The following ANKMY2 variants were observed in gnomAD, a reference collection of about 807,000 sequenced individuals.
ANKMY2 encodes the protein ankyrin repeat and MYND domain containing 2, also known as ankyrin repeat and MYND domain-containing protein 2.
ANKMY2 carries 36 observed loss-of-function variants against 50.4 expected under a neutral mutation model. That is an observed-to-expected ratio of 0.71 (90% confidence interval 0.55 to 0.94). The LOEUF (loss-of-function observed/expected upper bound fraction) is 0.94, where lower values mean the gene tolerates loss of function less well. Ranked by LOEUF, ANKMY2 falls within the 40% of genes least tolerant of loss-of-function variation. The pLI is 0.00. For missense variants in ANKMY2, 565 were observed against 524.0 expected (o/e 1.08, Z -0.76); for synonymous variants, 187 against 178.8 (o/e 1.05, Z -0.36).
chr7:16,604,404 G>A (rs1781119673), intron 8 of ANKMY2, among the ~76,000 whole-genome samples: 1 of 152,124 alleles, frequency 6.6e-6, no homozygotes, highest in Non-Finnish European at 1.5e-5. Context: ...ATCTGCACCA[G>A]CCTTGGTCTC....
chr7:16,636,839 T>C (rs1781668667), intron 1 of ANKMY2, among the ~76,000 whole-genome samples: 1 of 152,234 alleles, frequency 6.6e-6, no homozygotes, highest in Admixed American at 6.5e-5. Context: ...ATACTTGGAA[T>C]TCAAAATGCA....
In ANKMY2 at chr7:16,610,513, G is replaced by A. The variant is rs146202734; in HGVS notation, c.746+36C>T. 412 of 1,506,666 alleles carry A rather than the reference G, an allele frequency of 2.7e-4. No individual in the cohort carries two copies. In the African/African-American group the frequency reaches 4.8e-3, roughly 18 times the overall value. 93.3% of individuals were successfully genotyped at this position (1,506,666 alleles called of 1,614,324 possible). The stretch of plus-strand genomic sequence containing the variant: ...TTCATATTAAAAAAAATATTCACTT[G>A]AGTGTATTTTATAAACGACATAGTA... On this transcript the variant is annotated intron_variant, in intron 6 of 9. Transcript: ENST00000306999.
chr7:16,606,363 A>C (rs994536551), intron 7 of ANKMY2, among the ~76,000 whole-genome samples: 1 of 151,950 alleles, frequency 6.6e-6, no homozygotes, highest in African/African-American at 2.4e-5. Flanking sequence ...CGGGAGGCAG[A>C]GGTTGCAGTA....
Position 16,625,172 on chromosome 7 carries a change from A to C in ANKMY2, c.272-91T>G, listed in dbSNP as rs189030624. 799 of 923,930 alleles carry C rather than the reference A, an allele frequency of 8.6e-4. 1 individual carries two copies. Among genetic ancestry groups the C allele is most frequent in the Non-Finnish European group, 1.3e-3 (757 of 602,916 alleles). 57.2% of individuals were successfully genotyped at this position (923,930 alleles called of 1,614,324 possible). A position where few individuals can be genotyped will look rare whatever the true frequency, so the allele number is the denominator to read the frequency against. On this transcript the variant is annotated intron_variant, in intron 3 of 9. Transcript: ENST00000306999. ...AACTCTCTATACCCTTTATTCCCCC[A>C]GTTAGTTTTAGGTTTCTGTCATGTG...
chr7:16,605,504 C>T (rs1401243924), intron 7 of ANKMY2, among the ~76,000 whole-genome samples: 1 of 151,624 alleles, frequency 6.6e-6, no homozygotes, highest in Non-Finnish European at 1.5e-5. Context: ...TAATTTTTAT[C>T]TATTTTTATT....
Position 16,609,762 on chromosome 7 carries a change from C to A in ANKMY2, c.750G>T (p.Leu250Phe), listed in dbSNP as rs761668688. Residue 250 changes from leucine to phenylalanine, a missense_variant, in exon 7 of 10, where the codon TTG becomes TTT. Coordinates refer to ENST00000306999, the MANE Select transcript of ANKMY2 (RefSeq NM_020319.3). The stretch of plus-strand genomic sequence containing the variant: ...AGCCATCAGAAGCTCGGCCTTTTAA[C>A]AAGCTGAAAGATATTTTTTAAAGCG... ...ENKLDTLIKS[L>F]LKGRASDGFP... 1 of 1,608,002 alleles carries A rather than the reference C, an allele frequency of 6.2e-7. No homozygotes were observed.
intron 1 of ANKMY2, among the ~76,000 whole-genome samples, chr7:16,639,246 T>C (rs1256004587): frequency 6.6e-6 from 1 of 152,232 alleles, no homozygotes; most frequent in African/African-American, 2.4e-5. Flanking sequence ...TAGACTTAAA[T>C]AATATTTTAC....
At chr7:16,604,072 C>A (rs1213839426) in intron 8 of ANKMY2, among the ~76,000 whole-genome samples, 7 of 152,280 alleles carry the variant, frequency 4.6e-5, no homozygotes, top group African/African-American at 1.4e-4. Flanking sequence ...TAGGTCACAG[C>A]AGATTATAAT....
intron 1 of ANKMY2, among the ~76,000 whole-genome samples, chr7:16,642,395 T>C (rs545923668): frequency 6.6e-6 from 1 of 152,366 alleles, no homozygotes; most frequent in Non-Finnish European, 1.5e-5. Flanking sequence ...TCATTAACTA[T>C]GATTTAAATG....
chr7:16,636,414 C>G lies in ANKMY2; in HGVS notation c.109G>C (p.Val37Leu). 1 of 1,516,474 alleles carries G rather than the reference C, an allele frequency of 6.6e-7. No individual in the cohort carries two copies. Among genetic ancestry groups the G allele is most frequent in the Non-Finnish European group, 8.9e-7 (1 of 1,125,862 alleles). 93.9% of individuals were successfully genotyped at this position (1,516,474 alleles called of 1,614,324 possible). A position where few individuals can be genotyped will look rare whatever the true frequency, so the allele number is the denominator to read the frequency against. ...EAGTLLSSKN[V>L]RVNCLDENGM... ...ACCTCGTCCAAACAGTTGACACGAA[C>G]ATTCTTGCTGGATAATAATGTTCCA... The change falls in exon 2 of 10, where the codon GTT becomes CTT. Residue 37 changes from valine to leucine, a missense_variant. Coordinates refer to ENST00000306999, the MANE Select transcript of ANKMY2 (RefSeq NM_020319.3).
chr7:16,603,721 G>A (rs1781110895), intron 8 of ANKMY2: 1 of 470,968 alleles, frequency 2.1e-6, no homozygotes, highest in Admixed American at 2.3e-5. Context: ...CCAACAGCAT[G>A]AAACAACATG....
intron 7 of ANKMY2, among the ~76,000 whole-genome samples, chr7:16,609,005 T>C (rs924794997): frequency 6.6e-6 from 1 of 152,062 alleles, no homozygotes; most frequent in African/African-American, 2.4e-5. Context: ...TGTCGCAAAA[T>C]AGAAAAGGCC....
chr7:16,625,319 T>A (rs780772791), intron 3 of ANKMY2, among the ~76,000 whole-genome samples: 1 of 152,244 alleles, frequency 6.6e-6, no homozygotes, highest in Non-Finnish European at 1.5e-5. Context: ...CAGTATGGAA[T>A]TGAATACTGC....
rs1428918109 is a variant in ANKMY2, at chr7:16,600,899, T to C, written c.1188A>G (p.Pro396=). 2 of 1,611,546 alleles carry C rather than the reference T, an allele frequency of 1.2e-6. No homozygotes were observed. Among genetic ancestry groups the C allele is most frequent in the East Asian group, 2.2e-5 (1 of 44,808 alleles). The change falls in exon 10 of 10, where the codon CCA becomes CCG. Residue 396 remains proline, a synonymous_variant. Transcript: ENST00000306999. ...TTTGAGAGATACCTACTTCAGCCTC[T>C]GGTTGCTCTTCATTAACACAGTTAG... ...VNSNCVNEEQ[P]EAEVGISQKD...
rs1222477469 is a variant in ANKMY2, at chr7:16,610,632, C to T, written c.663G>A (p.Lys221=). ...GAAAGATACAGCTTATGTAATGCAT[C>T]TTCATAGCCAATACTTCATTCATGT... ...QRDMNEVLAM[K]MHYISCIFQK... The change falls in exon 6 of 10, where the codon AAG becomes AAA. Residue 221 remains lysine, a synonymous_variant. Coordinates refer to ENST00000306999, the MANE Select transcript of ANKMY2 (RefSeq NM_020319.3). 2.5e-6 allele frequency: 4 copies of T among 1,613,860 alleles called. No individual in the cohort carries two copies. Among genetic ancestry groups the T allele is most frequent in the Non-Finnish European group, 3.4e-6 (4 of 1,179,936 alleles).
At chr7:16,605,537 A>C (rs1781141911) in intron 7 of ANKMY2, among the ~76,000 whole-genome samples, 1 of 151,864 alleles carries the variant, frequency 6.6e-6, no homozygotes, top group Non-Finnish European at 1.5e-5. Context: ...AGTCTCTGTC[A>C]CCCGGCTGGA....
chr7:16,621,660 G>GA lies in ANKMY2; in HGVS notation c.370+3322dup, dbSNP rs536443730. ...AACAAGAAACACGGAAGCTATAAAA[G>GA]AAAAAATATGACTACTTAAAAATAA... On this transcript the variant is annotated intron_variant, in intron 4 of 9. Coordinates refer to ENST00000306999, the MANE Select transcript of ANKMY2 (RefSeq NM_020319.3). Among the ~76,000 whole-genome samples the GA allele has an allele frequency of 3.8e-3, 579 of 152,094 alleles. 2 individuals are homozygous for GA. The highest frequency in any genetic ancestry group is 0.013 in the African/African-American group (546 of 41,462).
At chr7:16,639,976 A>G (rs1781723406) in intron 1 of ANKMY2, among the ~76,000 whole-genome samples, 1 of 151,832 alleles carries the variant, frequency 6.6e-6, no homozygotes, top group Non-Finnish European at 1.5e-5. Context: ...CCTGGCCAAC[A>G]TGGTGAAACC....
intron 4 of ANKMY2, among the ~76,000 whole-genome samples, chr7:16,616,835 G>C (rs1781361115): frequency 6.6e-6 from 1 of 152,224 alleles, no homozygotes; most frequent in Non-Finnish European, 1.5e-5. Flanking sequence ...CTGCCTGCTT[G>C]TGCTTGGTCC....
Sources: allele counts gnomAD v4.1 joint callset (sites outside exome capture counted in the v4.1 genomes callset), GRCh38; gene constraint gnomAD v4.1.1; transcripts MANE v1.5; gene names NCBI Gene and HGNC (gene_info 2026-07-23, HGNC 2026-07-21).